RELN: variants seen among roughly 807,000 people sequenced by gnomAD.
RELN encodes reelin.
A neutral mutation model predicts 427.6 loss-of-function variants in RELN; 108 were observed. The ratio of observed to expected loss-of-function variants is 0.25; its 90% confidence interval spans 0.22 to 0.30. The LOEUF (loss-of-function observed/expected upper bound fraction) is 0.30. Ranked by LOEUF, RELN falls within the 10% of genes least tolerant of loss-of-function variation. The pLI, the probability that RELN is intolerant of heterozygous loss-of-function variation, is 1.00. For missense variants in RELN, 3,715 were observed against 4,302.8 expected, an observed-to-expected ratio of 0.86 and a Z score of 3.82; for synonymous variants, 1,524 against 1,513.4, an observed-to-expected ratio of 1.01 and a Z score of -0.16.
intron 64 of RELN, 137 bp downstream of exon 64, chr7:103,478,252 T>C (rs1586461969): frequency 1.6e-6 from 1 of 613,898 alleles, no homozygotes; most frequent in East Asian, 2.8e-5. Flanking sequence ...TATATACCAG[T>C]ATCATTTATT....
At chr7:103,763,058 G>A (rs1791342138) in intron 4 of RELN, among the ~76,000 whole-genome samples, 1 of 152,142 alleles carries the variant, frequency 6.6e-6, no homozygotes, top group African/African-American at 2.4e-5. Context: ...AGTTATTGCA[G>A]GTACACAGAC....
intron 9 of RELN, among the ~76,000 whole-genome samples, chr7:103,699,128 C>G (rs1834038410): frequency 6.6e-6 from 1 of 152,010 alleles, no homozygotes; most frequent in African/African-American, 2.4e-5. Context: ...AAAGTAGAAA[C>G]CTGCTGTAGT....
chr7:103,551,009 C>A (rs1830397870), intron 41 of RELN, 58 bp downstream of exon 41: 2 of 1,420,574 alleles, frequency 1.4e-6, no homozygotes, highest in South Asian at 2.4e-5. Context: ...TGAACGATGA[C>A]TTCAGGAATA....
At chr7:103,473,281 C>T (rs1358600989) in intron 64 of RELN, among the ~76,000 whole-genome samples, 1 of 152,138 alleles carries the variant, frequency 6.6e-6, no homozygotes, top group Non-Finnish European at 1.5e-5. Flanking sequence ...ATACCCATTG[C>T]CTTATTTAAA....
At chr7:103,893,750 A>C (rs555197178) in intron 2 of RELN, among the ~76,000 whole-genome samples, 2 of 152,288 alleles carry the variant, frequency 1.3e-5, no homozygotes, top group South Asian at 2.1e-4. Context: ...AACCAAAAAA[A>C]TTCAAGAAAC....
intron 3 of RELN, among the ~76,000 whole-genome samples, chr7:103,812,463 T>C (rs530680921): frequency 1.3e-5 from 2 of 152,314 alleles, no homozygotes; most frequent in African/African-American, 4.8e-5. Context: ...GGCAATTGAA[T>C]GGAAATGTCG....
chr7:103,874,912 C>G (rs964090148), intron 2 of RELN, among the ~76,000 whole-genome samples: 9 of 145,752 alleles, frequency 6.2e-5, no homozygotes, highest in African/African-American at 2.2e-4. Context: ...CAATCCTAAG[C>G]CAAAAGAACA....
intron 11 of RELN, among the ~76,000 whole-genome samples, chr7:103,665,687 A>G (rs768104515): frequency 1.3e-5 from 2 of 152,080 alleles, no homozygotes; most frequent in African/African-American, 2.4e-5. Flanking sequence ...GTATGTAGGT[A>G]TAGGTTTATT....
At position 103,953,173 on chromosome 7, in the gene RELN, T is replaced by A. The variant is rs920153750; in HGVS notation, c.226+35958A>T. 2.0e-5 allele frequency among the ~76,000 whole-genome samples: 3 copies of A among 152,130 alleles called. No homozygotes were observed. The highest frequency in any genetic ancestry group is 4.8e-5 in the African/African-American group (2 of 41,416). ...CAAGATCAGCACCACAGGGGAAAAA[T>A]CAGGGCAAGAAAAGTCTTCCCATGG... On this transcript the variant is annotated intron_variant, in intron 1 of 64. Coordinates refer to ENST00000428762, the MANE Select transcript of RELN (RefSeq NM_005045.4). This position sits in a 1 kb window ranked among gnomAD's most constrained non-coding sequence, Gnocchi z 4.3.
chr7:103,890,783 G>C (rs1320976617), intron 2 of RELN, among the ~76,000 whole-genome samples: 1 of 152,126 alleles, frequency 6.6e-6, no homozygotes, highest in Non-Finnish European at 1.5e-5. Context: ...GCAATTGAAA[G>C]TGGAATTCCA....
At chr7:103,516,043 G>A (rs1250163425) in intron 49 of RELN, among the ~76,000 whole-genome samples, 1 of 152,132 alleles carries the variant, frequency 6.6e-6, no homozygotes, top group Admixed American at 6.5e-5. Context: ...TGAGAACCAT[G>A]GGCTAGCAAG....
At position 103,723,261 on chromosome 7, in the gene RELN, G is replaced by C. The variant is rs190067569; in HGVS notation, c.754-70C>G. 5.5e-5 allele frequency: 49 copies of C among 886,918 alleles called. 1 individual carries two copies. The African/African-American group carries it at 6.9e-4, about 13-fold the overall frequency. 54.9% of individuals were successfully genotyped at this position (886,918 alleles called of 1,614,324 possible). A position where few individuals can be genotyped will look rare whatever the true frequency, so the allele number is the denominator to read the frequency against. Reference sequence around the variant, plus strand: ...GAAAGAGGAGAAAGATGCTGGGAGGGGTACGGGGAGGGGAAGAGTTAAAAA... The same window carrying C: ...GAAAGAGGAGAAAGATGCTGGGAGGCGTACGGGGAGGGGAAGAGTTAAAAA... On this transcript the variant is annotated intron_variant, in intron 7 of 64. Coordinates refer to ENST00000428762, the MANE Select transcript of RELN (RefSeq NM_005045.4).
intron 41 of RELN, among the ~76,000 whole-genome samples, chr7:103,549,375 A>C (rs1016763137): frequency 2.0e-5 from 3 of 152,296 alleles, no homozygotes; most frequent in Admixed American, 6.5e-5. Context: ...CACTGATGCC[A>C]ATCATGAGGG....
intron 1 of RELN, among the ~76,000 whole-genome samples, chr7:103,935,383 T>C (rs1439759806): frequency 1.3e-5 from 2 of 152,140 alleles, no homozygotes; most frequent in African/African-American, 2.4e-5. Flanking sequence ...GACTCCTCTG[T>C]CCCGGTCTAC....
intron 2 of RELN, among the ~76,000 whole-genome samples, chr7:103,874,106 C>T (rs1185230929): frequency 2.1e-5 from 3 of 144,264 alleles, no homozygotes; most frequent in African/African-American, 7.4e-5. Context: ...AGACAAAAAC[C>T]ACATGATTAT....
chr7:103,525,860 TTGTATTAAAAG>T (rs1311134022), intron 46 of RELN, among the ~76,000 whole-genome samples: 1 of 152,198 alleles, frequency 6.6e-6, no homozygotes, highest in Admixed American at 6.5e-5. Context: ...CCTCGTCACC[TTGTATTAAAAG>T]TGCCTATTCA....
At chr7:103,748,857 T>C (rs1026085619) in intron 6 of RELN, among the ~76,000 whole-genome samples, 21 of 152,232 alleles carry the variant, frequency 1.4e-4, no homozygotes, top group African/African-American at 4.3e-4. Flanking sequence ...TCTGGGTCGA[T>C]AGACCTATTT....
intron 22 of RELN, among the ~76,000 whole-genome samples, chr7:103,606,560 C>G (rs191407930): frequency 6.6e-6 from 1 of 152,164 alleles, no homozygotes. Context: ...TCTGCTGGTA[C>G]GTTGACCAAG....
intron 2 of RELN, among the ~76,000 whole-genome samples, chr7:103,863,790 T>A (rs1794128214): frequency 1.3e-5 from 2 of 151,974 alleles, no homozygotes; most frequent in African/African-American, 4.8e-5. Context: ...ACATCTTAAA[T>A]TTCACATGAG....
Sources: gnomAD v4.1 joint callset for allele counts (sites outside exome capture counted in the v4.1 genomes callset) on GRCh38, gnomAD v4.1.1 for gene constraint, Gnocchi (gnomAD v3.1) non-coding constraint, MANE v1.5 for transcripts, NCBI Gene and HGNC (gene_info 2026-07-23, HGNC 2026-07-21) for gene names.